PBX1: variants seen among roughly 807,000 people sequenced by gnomAD.
PBX1 encodes pre-B-cell leukemia transcription factor 1.
Under a neutral mutation model 53.4 loss-of-function variants are expected in PBX1, and 6 were observed. That is an observed-to-expected ratio of 0.11 (90% CI 0.06 to 0.22). The LOEUF is 0.22. PBX1 is among the 10% of genes least tolerant of loss of function. PBX1 has a pLI of 1.00. For missense variants in PBX1, 251 were observed against 551.4 expected, an observed-to-expected ratio of 0.46 and a Z score of 5.46; for synonymous variants, 204 against 212.3, an observed-to-expected ratio of 0.96 and a Z score of 0.34.
At chr1:164,873,653 A>C (rs1672432742) in intron 2 of PBX1, among the ~76,000 whole-genome samples, 1 of 152,222 alleles carries the variant, frequency 6.6e-6, no homozygotes, top group African/African-American at 2.4e-5. Context: ...AGGCCTCTAA[A>C]CACAGCATCA....
At chr1:164,864,194 G>GT (rs1305631492) in intron 2 of PBX1, among the ~76,000 whole-genome samples, 4 of 152,196 alleles carry the variant, frequency 2.6e-5, no homozygotes, top group Non-Finnish European at 5.9e-5. Context: ...GCTGGCAGGA[G>GT]TAAGTTTAGA....
At chr1:164,813,324 T>C (rs1669712405) in intron 6 of PBX1, 1 of 152,270 alleles carries the variant, frequency 6.6e-6, no homozygotes, top group Non-Finnish European at 1.5e-5. Context: ...CTGGGCTTTT[T>C]CAACATGGAT....
At chr1:164,802,541 C>G (rs1034738103) in intron 4 of PBX1, among the ~76,000 whole-genome samples, 31 of 152,134 alleles carry the variant, frequency 2.0e-4, no homozygotes, top group African/African-American at 7.5e-4. Flanking sequence ...ATCGAATCTT[C>G]CCTTTCGTTT....
chr1:164,611,130 C>A (rs1403785080), intron 2 of PBX1, among the ~76,000 whole-genome samples: 3 of 152,094 alleles, frequency 2.0e-5, no homozygotes, highest in African/African-American at 7.2e-5. Context: ...ATGCTTTTTT[C>A]TTTCTCAGAT....
intron 2 of PBX1, among the ~76,000 whole-genome samples, chr1:164,877,752 A>C (rs1400081063): frequency 6.6e-6 from 1 of 152,228 alleles, no homozygotes; most frequent in Non-Finnish European, 1.5e-5. Context: ...TAAACTGTAC[A>C]TTTGAAGTGT....
chr1:164,702,100 A>G (rs1025321393), intron 2 of PBX1, among the ~76,000 whole-genome samples: 2 of 152,184 alleles, frequency 1.3e-5, no homozygotes, highest in Non-Finnish European at 2.9e-5. Flanking sequence ...CTTGTATAGT[A>G]ATTCCGTTCT....
At position 164,786,681 on chromosome 1, in the gene PBX1, C is replaced by CTGTGTGTG. The variant is rs74747780; in HGVS notation, c.266-5780_266-5773dup. On this transcript the variant is annotated intron_variant, in intron 2 of 8. Coordinates refer to ENST00000420696, the MANE Select transcript of PBX1 (RefSeq NM_002585.4). ...GGTGTGCCTTGGGCATCAGAAGAGA[C>CTGTGTGTG]TGTGTGTGTGTGTGTGTGTGTGTGT... 1.8e-4 allele frequency among the ~76,000 whole-genome samples: 26 copies of CTGTGTGTG among 140,606 alleles called. No individual in the cohort carries two copies. The East Asian group carries it at 2.3e-3, about 13-fold the overall frequency. 92.2% of individuals were successfully genotyped at this position (140,606 alleles called of 152,430 possible).
rs771457169 is a variant in PBX1, at chr1:164,871,867, G to GGATTTTTT, written n.258-27321_258-27320insGATTTTTT. On this transcript the variant is annotated intron_variant and non_coding_transcript_variant, in intron 2 of 2. Coordinates refer to the PBX1 transcript ENST00000558796. ...CACACCATTCTCTATCATAGCACAT[G>GGATTTTTT]TTTAAACAAACATATACTTGTTTGT... 9.6e-3 allele frequency among the ~76,000 whole-genome samples: 1,463 copies of GGATTTTTT among 152,058 alleles called. 14 individuals carry two copies. The highest frequency in any genetic ancestry group is 0.036 in the South Asian group (175 of 4,808).
chr1:164,879,242 T>C, intron 2 of PBX1, among the ~76,000 whole-genome samples: 1 of 152,314 alleles, frequency 6.6e-6, no homozygotes, highest in African/African-American at 2.4e-5. Context: ...ATTTGCCTGA[T>C]TGGCACAGAA....
Position 164,849,605 on chromosome 1 carries a change from C to G in PBX1, c.*2929C>G. ...CCGACAGCGAATTTCCCCTGAGAAA[C>G]GATACTAGACCCTGGGTTTGCCCAC... On this transcript the variant is annotated 3_prime_UTR_variant, in exon 9 of 9. Transcript: ENST00000420696. 1 of 703,512 alleles carries G rather than the reference C, an allele frequency of 1.4e-6. No homozygotes were observed. Among genetic ancestry groups the G allele is most frequent in the Non-Finnish European group, 2.2e-6 (1 of 449,452 alleles). The allele number at this position is 703,512 out of a possible 1,614,324, so 43.6% of individuals were successfully genotyped here. A position where few individuals can be genotyped will look rare whatever the true frequency, so the allele number is the denominator to read the frequency against.
chr1:164,748,051 C>T (rs187929123), intron 2 of PBX1, among the ~76,000 whole-genome samples: 1 of 152,210 alleles, frequency 6.6e-6, no homozygotes, highest in East Asian at 1.9e-4. Context: ...TTGTGATAAA[C>T]AGTATGGGCA....
rs143595230 is a variant in PBX1, at chr1:164,843,329, A to G, written c.1201-3255A>G. On this transcript the variant is annotated intron_variant, in intron 8 of 8. Coordinates refer to ENST00000420696, the MANE Select transcript of PBX1 (RefSeq NM_002585.4). ...TTTGTGTTTCTCTAACTTAAACCCT[A>G]TAGGCTACAATGTCCTAAATTTGGT... Among the ~76,000 whole-genome samples, 246 of 152,322 alleles carry G rather than the reference A, an allele frequency of 1.6e-3. 2 individuals carry two copies. Among genetic ancestry groups the G allele is most frequent in the South Asian group, 8.1e-3 (39 of 4,824 alleles).
At chr1:164,821,838 C>T (rs1207343597) in intron 8 of PBX1, among the ~76,000 whole-genome samples, 1 of 152,088 alleles carries the variant, frequency 6.6e-6, no homozygotes, top group East Asian at 1.9e-4. Context: ...CAGCTGGCGT[C>T]TAGGGCTGTC....
rs1558047071 is a variant in PBX1, at chr1:164,851,459, T to A, written c.*4783T>A. Reference sequence around the variant, plus strand: ...CTCAAAGCTTCCTGGAATCTTTTATTTTTTGTAAACTTTTTTTTCTTTTGT... The same window carrying A: ...CTCAAAGCTTCCTGGAATCTTTTATATTTTGTAAACTTTTTTTTCTTTTGT... On this transcript the variant is annotated 3_prime_UTR_variant, in exon 9 of 9. Transcript: ENST00000420696. The A allele has an allele frequency of 5.1e-6, 1 of 195,494 alleles. No homozygotes were observed. Among genetic ancestry groups the A allele is most frequent in the Non-Finnish European group, 1.1e-5 (1 of 94,136 alleles). The allele number at this position is 195,494 out of a possible 1,614,324, so 12.1% of individuals were successfully genotyped here.
chr1:164,616,934 C>T (rs916530248), intron 2 of PBX1, among the ~76,000 whole-genome samples: 10 of 152,182 alleles, frequency 6.6e-5, no homozygotes, highest in Non-Finnish European at 8.8e-5. Flanking sequence ...GTAATTTGCT[C>T]AAGGCCATAC....
intron 2 of PBX1, among the ~76,000 whole-genome samples, chr1:164,635,266 T>C (rs1658681709): frequency 6.6e-6 from 1 of 152,128 alleles, no homozygotes; most frequent in Non-Finnish European, 1.5e-5. Flanking sequence ...CCCTGCTGTG[T>C]CATTTGAATT....
At chr1:164,651,930 GGTGTGTGT>G (rs57772161) in intron 2 of PBX1, 35,618 of 144,072 alleles carry the variant, frequency 0.25, 4,447 homozygotes, top group Middle Eastern at 0.36. Flanking sequence ...ATGGAGGGAG[GGTGTGTGT>G]GTGTGTGTGT....
chr1:164,828,601 T>G (rs1670590335), intron 8 of PBX1: 1 of 152,136 alleles, frequency 6.6e-6, no homozygotes, highest in South Asian at 2.1e-4. Flanking sequence ...CAGGCTAGGA[T>G]CTGGTTAGTT....
chr1:164,702,717 AG>A (rs138136290), intron 2 of PBX1, among the ~76,000 whole-genome samples: 34,721 of 151,658 alleles, frequency 0.23, 4,239 homozygotes, highest in East Asian at 0.45. Flanking sequence ...GAGAGGACAG[AG>A]GGGGAAATCA....
Sources: gnomAD v4.1 joint callset for allele counts (sites outside exome capture counted in the v4.1 genomes callset) on GRCh38, gnomAD v4.1.1 for gene constraint, MANE v1.5 for transcripts, NCBI Gene and HGNC (gene_info 2026-07-23, HGNC 2026-07-21) for gene names.